The following CFAP97 variants were observed in gnomAD, a reference collection of about 807,000 sequenced individuals.
The protein encoded by CFAP97 is cilia- and flagella-associated protein 97.
A neutral mutation model predicts 43.1 loss-of-function variants in CFAP97; 36 were observed. The observed-to-expected ratio is 0.84, with a 90% CI of 0.64 to 1.10. The LOEUF is 1.10. Among genes scored for constraint, CFAP97 ranks in the 50% least tolerant of loss-of-function variants. The pLI is 0.00. For missense variants in CFAP97, 657 were observed against 620.3 expected (o/e 1.06, Z -0.63); for synonymous variants, 228 against 225.7 (o/e 1.01, Z -0.09).
Position 185,162,079 on chromosome 4 carries a change from A to C in CFAP97, c.*719T>G, listed in dbSNP as rs1734892801. On this transcript the variant is annotated 3_prime_UTR_variant, in exon 5 of 5. Coordinates refer to ENST00000458385, the MANE Select transcript of CFAP97 (RefSeq NM_020827.3). ...ACCTACCTCATTTCTAAGAGTCATA[A>C]ATAGGACTTTACCTGAATGCATGAA... 6.6e-6 allele frequency: 1 copy of C among 152,248 alleles called. No individual in the cohort carries two copies. The highest frequency in any genetic ancestry group is 2.4e-5 in the African/African-American group (1 of 41,470). The allele number at this position is 152,248 out of a possible 1,614,324, so 9.4% of individuals were successfully genotyped here.
In CFAP97 at chr4:185,190,490, C is replaced by G; in HGVS notation, c.707G>C (p.Ser236Thr). ...GTAGTGGCCACATTTTGGTGTAGTA[C>G]TTGAAGGCTGTGTTTCTGTCGATTT... ...GIKSTETQPS[S>T]TTPKCGHYPE... Residue 236 changes from serine (S) to threonine (T), a missense_variant, in exon 2 of 5, where the codon AGT (serine) becomes ACT (threonine). Coordinates refer to ENST00000458385, the MANE Select transcript of CFAP97 (RefSeq NM_020827.3). The G allele has an allele frequency of 1.9e-6, 3 of 1,613,894 alleles. No homozygotes were observed. The highest frequency in any genetic ancestry group is 2.5e-6 in the Non-Finnish European group (3 of 1,179,854).
intron 2 of CFAP97, among the ~76,000 whole-genome samples, chr4:185,186,302 G>A (rs1438030814): frequency 6.6e-6 from 1 of 152,016 alleles, no homozygotes; most frequent in African/African-American, 2.4e-5. Context: ...GCGTGGTGGA[G>A]GGCGCCTGTA....
intron 3 of CFAP97, among the ~76,000 whole-genome samples, chr4:185,164,428 T>C (rs774632200): frequency 1.3e-5 from 2 of 152,206 alleles, no homozygotes; most frequent in Non-Finnish European, 2.9e-5. Flanking sequence ...ATTCTCGACA[T>C]ACCATGTGAA....
intron 1 of CFAP97, among the ~76,000 whole-genome samples, chr4:185,195,970 G>C (rs1560874493): frequency 6.6e-6 from 1 of 152,130 alleles, no homozygotes; most frequent in Non-Finnish European, 1.5e-5. Context: ...TGTGGTTGTT[G>C]TTTTTTCCTT....
chr4:185,181,625 G>A (rs1735794419), intron 2 of CFAP97, among the ~76,000 whole-genome samples: 1 of 152,008 alleles, frequency 6.6e-6, no homozygotes, highest in Admixed American at 6.6e-5. Flanking sequence ...ACACCCAGCC[G>A]GCATAGTCTT....
intron 2 of CFAP97, among the ~76,000 whole-genome samples, chr4:185,186,641 T>G (rs1042955414): frequency 2.0e-5 from 3 of 152,166 alleles, no homozygotes; most frequent in Non-Finnish European, 4.4e-5. Context: ...TTAAACCAGA[T>G]GCTAGTGATT....
At chr4:185,200,869 C>T (rs569306367) in intron 1 of CFAP97, among the ~76,000 whole-genome samples, 8 of 152,246 alleles carry the variant, frequency 5.3e-5, no homozygotes, top group African/African-American at 1.7e-4. Context: ...TGAGGACTTG[C>T]TTCTTATGGA....
At chr4:185,202,653 T>G (rs1388989499) in intron 1 of CFAP97, among the ~76,000 whole-genome samples, 2 of 152,102 alleles carry the variant, frequency 1.3e-5, no homozygotes, top group Non-Finnish European at 2.9e-5. Context: ...CAACTATGCC[T>G]TTATCTGCAT....
At chr4:185,170,509 G>A (rs1285113152) in intron 3 of CFAP97, among the ~76,000 whole-genome samples, 1 of 151,836 alleles carries the variant, frequency 6.6e-6, no homozygotes, top group Non-Finnish European at 1.5e-5. Flanking sequence ...TGAGTCTCCT[G>A]CCTCAGCCTC....
intron 3 of CFAP97, chr4:185,169,739 C>T (rs1320184124): frequency 1.0e-6 from 1 of 985,246 alleles, no homozygotes; most frequent in Non-Finnish European, 1.2e-6. Context: ...GAAGCAAAGA[C>T]CTTGTAAGGA....
intron 1 of CFAP97, among the ~76,000 whole-genome samples, chr4:185,197,479 G>A (rs985102338): frequency 4.6e-5 from 7 of 151,006 alleles, no homozygotes; most frequent in African/African-American, 7.3e-5. Context: ...AGGCTGGAGC[G>A]CAGTGGCGCG....
chr4:185,169,917 A>G, intron 3 of CFAP97: 1 of 992,518 alleles, frequency 1.0e-6, no homozygotes, highest in Non-Finnish European at 1.2e-6. Flanking sequence ...TAAAGTATAC[A>G]TTATTTCAAG....
Position 185,164,130 on chromosome 4 carries a change from C to A in CFAP97, c.1370G>T (p.Arg457Leu). 1.2e-6 allele frequency: 2 copies of A among 1,613,792 alleles called. No individual in the cohort carries two copies. The highest frequency in any genetic ancestry group is 1.7e-6 in the Non-Finnish European group (2 of 1,179,718). ...ATGATAGTCCATCAGTTGTTCTGAACGTTTCATACCAACTGTTGGTTTCAC... is the reference window on the plus strand; with the variant it reads ...ATGATAGTCCATCAGTTGTTCTGAAAGTTTCATACCAACTGTTGGTTTCAC... Reference protein sequence around the residue: ...EAVKPTVGMKRSEQLMDYHRN... With the variant: ...EAVKPTVGMKLSEQLMDYHRN... Residue 457 changes from arginine to leucine, a missense_variant, in exon 4 of 5, where the codon CGT (arginine) becomes CTT (leucine). By Grantham distance (102) the Arg-to-Leu change is moderately radical. Coordinates refer to ENST00000458385, the MANE Select transcript of CFAP97 (RefSeq NM_020827.3).
intron 4 of CFAP97, among the ~76,000 whole-genome samples, chr4:185,163,157 G>A (rs892514229): frequency 1.3e-5 from 2 of 152,022 alleles, no homozygotes; most frequent in Admixed American, 1.3e-4. Context: ...ATTTTTAAAA[G>A]CTTCTCAAAT....
At chr4:185,170,372 G>C in intron 3 of CFAP97, 1 of 483,204 alleles carries the variant, frequency 2.1e-6, no homozygotes, top group Non-Finnish European at 3.7e-6. Context: ...AGTTACTCCT[G>C]TATACTAGCA....
upstream of CFAP97, among the ~76,000 whole-genome samples, chr4:185,206,675 A>G (rs928716116): frequency 2.6e-5 from 4 of 151,306 alleles, no homozygotes; most frequent in Non-Finnish European, 5.9e-5. Context: ...AAAAAAAAAA[A>G]AAAAAAAGAA....
intron 2 of CFAP97, among the ~76,000 whole-genome samples, chr4:185,176,897 C>G (rs1428563742): frequency 6.6e-6 from 1 of 152,142 alleles, no homozygotes; most frequent in African/African-American, 2.4e-5. Flanking sequence ...GCCATTAAAG[C>G]AAATACTTCT....
rs760690401 is a variant in CFAP97, at chr4:185,190,172, T to A, written c.1025A>T (p.Asp342Val). The part of the protein sequence containing the change: ...DHRHKQKVLH[D>V]TMDLNHLLKA... ...CAAGAGATGATTCAGATCCATTGTG[T>A]CATGTAAGACTTTCTGTTTATGTCT... The change falls in exon 2 of 5, where the codon GAC becomes GTC. Residue 342 changes from aspartate to valine, a missense_variant. Coordinates refer to ENST00000458385, the MANE Select transcript of CFAP97 (RefSeq NM_020827.3). The A allele has an allele frequency of 1.1e-5, 17 of 1,585,064 alleles. No homozygotes were observed. The highest frequency in any genetic ancestry group is 1.5e-5 in the Non-Finnish European group (17 of 1,167,442).
At chr4:185,175,268 T>A (rs1040054374) in intron 3 of CFAP97, among the ~76,000 whole-genome samples, 1 of 151,990 alleles carries the variant, frequency 6.6e-6, no homozygotes, top group Non-Finnish European at 1.5e-5. Context: ...CTCTTTTTTC[T>A]TCTCTTTTCT....
Sources: allele counts gnomAD v4.1 joint callset (sites outside exome capture counted in the v4.1 genomes callset), GRCh38; gene constraint gnomAD v4.1.1; transcripts MANE v1.5; gene names NCBI Gene and HGNC (gene_info 2026-07-23, HGNC 2026-07-21).